Variants in SNX29 observed in about 807,000 individuals in gnomAD.
SNX29 encodes the protein sorting nexin 29, also known as sorting nexin-29.
A neutral mutation model predicts 102.1 loss-of-function variants in SNX29; 78 were observed. That is an observed-to-expected ratio of 0.76 (90% confidence interval 0.64 to 0.92). The LOEUF (loss-of-function observed/expected upper bound fraction) is 0.92. SNX29 is among the 40% of genes least tolerant of loss of function. SNX29 has a pLI of 0.00. For synonymous variants in SNX29, 580 were observed against 414.5 expected, an observed-to-expected ratio of 1.40 and a Z score of -4.85; for missense variants, 1,280 against 1,061.7, an observed-to-expected ratio of 1.21 and a Z score of -2.86.
At chr16:12,316,681 C>T (rs558589884) in intron 15 of SNX29, among the ~76,000 whole-genome samples, 29 of 152,280 alleles carry the variant, frequency 1.9e-4, no homozygotes, top group African/African-American at 7.0e-4. Context: ...ATCTTAAGGT[C>T]CCGCTCACTG....
At chr16:11,999,451 A>G (rs1047402740) in intron 2 of SNX29, 93 bp downstream of exon 2, 1 of 1,228,018 alleles carries the variant, frequency 8.1e-7, no homozygotes, top group Non-Finnish European at 1.2e-6. Context: ...ACACAGACTA[A>G]CTCCCACTTT....
rs2079201180 is a variant in SNX29 at position 12,572,143 on chromosome 16, CTTAT to C, written c.*3516_*3519del. 4 of 999,324 alleles carry C rather than the reference CTTAT, an allele frequency of 4.0e-6. No homozygotes were observed. The highest frequency in any genetic ancestry group is 4.9e-6 in the Non-Finnish European group (4 of 819,944). 61.9% of individuals were successfully genotyped at this position (999,324 alleles called of 1,614,324 possible). A position where few individuals can be genotyped will look rare whatever the true frequency, so the allele number is the denominator to read the frequency against. On this transcript the variant is annotated 3_prime_UTR_variant, in exon 21 of 21. Transcript: ENST00000566228. ...CTTGGCCCTGCTTCATACTTTGGAG[CTTAT>C]TAAGATCAATTTTGATAACCATGTA...
chr16:12,035,704 C>G (rs544650640), intron 4 of SNX29, among the ~76,000 whole-genome samples: 6 of 152,044 alleles, frequency 3.9e-5, no homozygotes, highest in Admixed American at 2.0e-4. Flanking sequence ...TGTGCCCTCA[C>G]ATTCATCCCT....
At chr16:12,511,782 C>A (rs2089632569) in intron 19 of SNX29, among the ~76,000 whole-genome samples, 2 of 152,090 alleles carry the variant, frequency 1.3e-5, no homozygotes, top group Admixed American at 1.3e-4. Context: ...CCCTCCCCCG[C>A]AACTTTAGAG....
At chr16:12,440,748 A>G (rs2085762611) in intron 18 of SNX29, among the ~76,000 whole-genome samples, 1 of 152,152 alleles carries the variant, frequency 6.6e-6, no homozygotes, top group Non-Finnish European at 1.5e-5. Flanking sequence ...ACCCCCATCC[A>G]TGTCCCTGCA....
chr16:11,984,812 A>G (rs2055547148), intron 1 of SNX29, among the ~76,000 whole-genome samples: 1 of 151,912 alleles, frequency 6.6e-6, no homozygotes, highest in African/African-American at 2.4e-5. Context: ...GCGCCACCAC[A>G]CCCGTCTAAC....
intron 8 of SNX29, among the ~76,000 whole-genome samples, chr16:12,059,290 G>A (rs780551775): frequency 2.0e-4 from 30 of 152,184 alleles, no homozygotes; most frequent in African/African-American, 3.4e-4. Flanking sequence ...CTGAAAGGGC[G>A]CCCCTGACCA....
chr16:12,009,099 A>C (rs1219912282), intron 3 of SNX29, among the ~76,000 whole-genome samples: 2 of 152,120 alleles, frequency 1.3e-5, no homozygotes, highest in African/African-American at 4.8e-5. Context: ...TACCATTTAC[A>C]ACTGTGATGG....
chr16:12,548,872 G>T (rs1032536896), intron 20 of SNX29, among the ~76,000 whole-genome samples: 1 of 152,172 alleles, frequency 6.6e-6, no homozygotes. Context: ...CAGGGCCCTT[G>T]GCCTGAACCC....
At chr16:12,476,429 T>TATAC (rs1555548027) in intron 18 of SNX29, among the ~76,000 whole-genome samples, 13 of 88,572 alleles carry the variant, frequency 1.5e-4, no homozygotes, top group African/African-American at 5.7e-4. Context: ...TATATATATA[T>TATAC]ATATATATAT....
At chr16:12,468,984 G>T (rs1216563274) in intron 18 of SNX29, among the ~76,000 whole-genome samples, 2 of 152,226 alleles carry the variant, frequency 1.3e-5, no homozygotes, top group Admixed American at 1.3e-4. Context: ...GAAATGGAGT[G>T]AACGTAATCT....
chr16:12,554,128 T>C (rs6498319), intron 20 of SNX29, among the ~76,000 whole-genome samples: 91,777 of 152,182 alleles, frequency 0.6, 31,389 homozygotes, highest in East Asian at 0.99. Context: ...ATGCCCAGCC[T>C]GGATGCTTTG....
chr16:12,100,512 A>G (rs969618057), intron 11 of SNX29, among the ~76,000 whole-genome samples: 5 of 152,168 alleles, frequency 3.3e-5, no homozygotes, highest in African/African-American at 9.7e-5. Context: ...GACAAGAGGA[A>G]GGACGGTGCA....
chr16:12,552,227 A>G (rs1246392024), intron 20 of SNX29, among the ~76,000 whole-genome samples: 1 of 151,562 alleles, frequency 6.6e-6, no homozygotes, highest in Non-Finnish European at 1.5e-5. Context: ...TCAGACATCC[A>G]GCACCATGCC....
intron 19 of SNX29, among the ~76,000 whole-genome samples, chr16:12,490,832 C>CA (rs1182974034): frequency 2.0e-5 from 3 of 152,220 alleles, no homozygotes; most frequent in Non-Finnish European, 4.4e-5. Context: ...AATGAACACA[C>CA]ACGTATAACC....
intron 13 of SNX29, among the ~76,000 whole-genome samples, chr16:12,160,360 T>C (rs961427966): frequency 6.6e-6 from 1 of 152,244 alleles, no homozygotes; most frequent in Non-Finnish European, 1.5e-5. Flanking sequence ...TCTATCCCCT[T>C]GGTTACATAG....
At chr16:12,220,882 G>C (rs2077457906) in intron 14 of SNX29, among the ~76,000 whole-genome samples, 1 of 152,150 alleles carries the variant, frequency 6.6e-6, no homozygotes, top group Non-Finnish European at 1.5e-5. Context: ...AATGAGCAAG[G>C]GATAAGAATA....
chr16:12,019,593 T>TAGAC (rs869227858), intron 3 of SNX29, among the ~76,000 whole-genome samples: 2 of 135,164 alleles, frequency 1.5e-5, no homozygotes, highest in Non-Finnish European at 3.3e-5. Flanking sequence ...TATATATATA[T>TAGAC]AGATAGATAG....
At chr16:12,121,184 G>A (rs1390378674) in intron 11 of SNX29, among the ~76,000 whole-genome samples, 1 of 152,236 alleles carries the variant, frequency 6.6e-6, no homozygotes, top group Non-Finnish European at 1.5e-5. Context: ...TGGGGCTTTG[G>A]TGGGCAGAGG....
Sources: allele counts gnomAD v4.1 joint callset (sites outside exome capture counted in the v4.1 genomes callset), GRCh38; gene constraint gnomAD v4.1.1; transcripts MANE v1.5; gene names NCBI Gene and HGNC (gene_info 2026-07-23, HGNC 2026-07-21).